SLC35F3: variants seen among roughly 807,000 people sequenced by gnomAD.
SLC35F3 encodes putative thiamine transporter SLC35F3.
SLC35F3 carries 25 observed loss-of-function variants against 49.9 expected under a neutral mutation model. That is an observed-to-expected ratio of 0.50 (90% CI 0.37 to 0.70). The LOEUF (loss-of-function observed/expected upper bound fraction) is 0.70, where lower values mean the gene tolerates loss of function less well. Among genes scored for constraint, SLC35F3 ranks in the 30% least tolerant of loss-of-function variants. SLC35F3 has a pLI of 0.00. For missense variants in SLC35F3, 525 were observed against 639.8 expected (o/e 0.82, Z 1.94); for synonymous variants, 275 against 265.4 (o/e 1.04, Z -0.35).
rs1436226759 is a variant in SLC35F3, at chr1:234,039,416, G to A, written c.283+133658G>A. Reference sequence around the variant, plus strand: ...CATTAAAATAGGGTATAAACAAAGTGCTATGGGAGTCCCAAGGAACAAGCT... The same window carrying A: ...CATTAAAATAGGGTATAAACAAAGTACTATGGGAGTCCCAAGGAACAAGCT... On this transcript the variant is annotated intron_variant, in intron 2 of 7. Transcript: ENST00000366618. 2.6e-5 allele frequency among the ~76,000 whole-genome samples: 4 copies of A among 152,186 alleles called. No individual in the cohort carries two copies. The East Asian group carries it at 7.7e-4, about 29-fold the overall frequency.
At chr1:234,266,991 AG>A (rs1667992230) in intron 3 of SLC35F3, among the ~76,000 whole-genome samples, 1 of 138,604 alleles carries the variant, frequency 7.2e-6, no homozygotes, top group Non-Finnish European at 1.5e-5. Flanking sequence ...AAGTGAACAA[AG>A]GTCTCTGGTT....
rs572981337 is a variant in SLC35F3, at chr1:234,155,525, T to C, written c.284-75892T>C. ...CCCGGGTTGAAGCGATTCTCCTGCCTCAGTTTCCCAAGTAGCTGGGACTAC... is the reference window on the plus strand; with the variant it reads ...CCCGGGTTGAAGCGATTCTCCTGCCCCAGTTTCCCAAGTAGCTGGGACTAC... On this transcript the variant is annotated intron_variant, in intron 2 of 7. Coordinates refer to ENST00000366618, the MANE Select transcript of SLC35F3 (RefSeq NM_173508.4). 6.6e-5 allele frequency among the ~76,000 whole-genome samples: 10 copies of C among 152,156 alleles called. No homozygotes were observed. The East Asian group carries it at 1.9e-3, about 29-fold the overall frequency.
intron 2 of SLC35F3, among the ~76,000 whole-genome samples, chr1:234,081,392 T>A (rs1236242918): frequency 6.6e-6 from 1 of 152,210 alleles, no homozygotes; most frequent in Non-Finnish European, 1.5e-5. Flanking sequence ...ACATTGTTTT[T>A]GTTGGAAAAT....
At chr1:234,227,400 T>C (rs1304364462) in intron 2 of SLC35F3, among the ~76,000 whole-genome samples, 4 of 77,796 alleles carry the variant, frequency 5.1e-5, no homozygotes, top group Admixed American at 2.0e-4. Flanking sequence ...TTCTTTTTTT[T>C]TTTTTTTTTT....
At chr1:234,076,321 G>C (rs898466496) in intron 2 of SLC35F3, among the ~76,000 whole-genome samples, 4 of 100,862 alleles carry the variant, frequency 4.0e-5, no homozygotes, top group Non-Finnish European at 5.0e-5. Flanking sequence ...GTAGTAGCTG[G>C]GTGTGGTGGC....
chr1:234,087,188 A>G (rs1664974023), intron 2 of SLC35F3, among the ~76,000 whole-genome samples: 1 of 152,122 alleles, frequency 6.6e-6, no homozygotes, highest in Non-Finnish European at 1.5e-5. Flanking sequence ...TCATCTAGGG[A>G]TGGGGAAAGG....
At chr1:234,066,581 T>C (rs1444256754) in intron 2 of SLC35F3, among the ~76,000 whole-genome samples, 2 of 152,246 alleles carry the variant, frequency 1.3e-5, no homozygotes, top group African/African-American at 4.8e-5. Flanking sequence ...CCTTCCATTA[T>C]GCTCCTGGTC....
chr1:234,143,289 T>TTTTC (rs199561396), intron 2 of SLC35F3, among the ~76,000 whole-genome samples: 89 of 78,156 alleles, frequency 1.1e-3, no homozygotes, highest in African/African-American at 8.2e-3. Context: ...TTTTCTTTTC[T>TTTTC]TTTTTTTTTT....
At chr1:234,252,474 C>G (rs991503493) in intron 3 of SLC35F3, among the ~76,000 whole-genome samples, 4 of 152,052 alleles carry the variant, frequency 2.6e-5, no homozygotes, top group Admixed American at 2.6e-4. Flanking sequence ...TCCAAATTAG[C>G]AAACTAGAAA....
At chr1:234,124,345 G>C (rs1350524908) in intron 2 of SLC35F3, among the ~76,000 whole-genome samples, 1 of 152,206 alleles carries the variant, frequency 6.6e-6, no homozygotes, top group African/African-American at 2.4e-5. Flanking sequence ...TTCCCACTAA[G>C]CTTCACCCAC....
chr1:234,296,098 C>T lies in SLC35F3; in HGVS notation c.609-13003C>T, dbSNP rs80133502. Reference sequence around the variant, plus strand: ...GTGAGAGCCCAGCAGCTGTTATTTTCTGGTACCTGTTGAACAAGAGCTGAG... The same window carrying T: ...GTGAGAGCCCAGCAGCTGTTATTTTTTGGTACCTGTTGAACAAGAGCTGAG... On this transcript the variant is annotated intron_variant, in intron 3 of 7. Coordinates refer to ENST00000366618, the MANE Select transcript of SLC35F3 (RefSeq NM_173508.4). Among the ~76,000 whole-genome samples the T allele has an allele frequency of 7.9e-3, 1,208 of 152,304 alleles. 13 individuals are homozygous for T. Among genetic ancestry groups the T allele is most frequent in the Middle Eastern group, 0.014 (4 of 294 alleles).
At chr1:234,311,170 A>T (rs184214750) in intron 4 of SLC35F3, among the ~76,000 whole-genome samples, 179 of 152,366 alleles carry the variant, frequency 1.2e-3, no homozygotes, top group Non-Finnish European at 2.1e-3. Flanking sequence ...GTGCATGACC[A>T]GTCATCTAAG....
intron 3 of SLC35F3, among the ~76,000 whole-genome samples, chr1:234,283,673 A>C (rs1197468980): frequency 6.6e-6 from 1 of 152,176 alleles, no homozygotes; most frequent in East Asian, 1.9e-4. Flanking sequence ...CATAACAGAG[A>C]ATACGGGCCT....
At chr1:234,099,607 T>TAAA (rs34510298) in intron 2 of SLC35F3, among the ~76,000 whole-genome samples, 13 of 87,594 alleles carry the variant, frequency 1.5e-4, no homozygotes, top group South Asian at 3.8e-4. Flanking sequence ...AGACTCTGTC[T>TAAA]AAAAAAAAAA....
At chr1:234,259,872 C>A (rs1021729748) in intron 3 of SLC35F3, among the ~76,000 whole-genome samples, 5 of 151,842 alleles carry the variant, frequency 3.3e-5, no homozygotes, top group Admixed American at 6.6e-5. Context: ...TGTTTTGATG[C>A]TCTTCCTTAA....
chr1:234,016,145 C>T (rs1663799671), intron 2 of SLC35F3, among the ~76,000 whole-genome samples: 1 of 152,130 alleles, frequency 6.6e-6, no homozygotes, highest in Non-Finnish European at 1.5e-5. Flanking sequence ...AAAAATGAAA[C>T]ATAAGTGTTG....
At chr1:234,036,573 T>C (rs1664147323) in intron 2 of SLC35F3, among the ~76,000 whole-genome samples, 1 of 152,232 alleles carries the variant, frequency 6.6e-6, no homozygotes, top group Admixed American at 6.5e-5. Context: ...ATCTGTGGCA[T>C]CCCCATCTTC....
At chr1:234,000,315 C>T (rs1057236967) in intron 2 of SLC35F3, among the ~76,000 whole-genome samples, 3 of 152,204 alleles carry the variant, frequency 2.0e-5, no homozygotes, top group Non-Finnish European at 4.4e-5. Flanking sequence ...CCTTGCCTTT[C>T]ACTTTGATTT....
At chr1:234,317,591 T>C (rs144446166) in intron 5 of SLC35F3, among the ~76,000 whole-genome samples, 223 of 152,286 alleles carry the variant, frequency 1.5e-3, no homozygotes, top group Non-Finnish European at 2.2e-3. Flanking sequence ...GGCATTTTTT[T>C]CCCAGCTCTG....
Sources: gnomAD v4.1 joint callset for allele counts (sites outside exome capture counted in the v4.1 genomes callset) on GRCh38, gnomAD v4.1.1 for gene constraint, MANE v1.5 for transcripts, NCBI Gene and HGNC (gene_info 2026-07-23, HGNC 2026-07-21) for gene names.